Variants in GHRHR observed in about 807,000 individuals in gnomAD.
GHRHR encodes growth hormone-releasing hormone receptor.
A neutral mutation model predicts 58.3 loss-of-function variants in GHRHR; 40 were observed. The ratio of observed to expected loss-of-function variants is 0.69; its 90% CI spans 0.53 to 0.89. The LOEUF (loss-of-function observed/expected upper bound fraction) is 0.89. Among genes scored for constraint, GHRHR ranks in the 40% least tolerant of loss-of-function variants. GHRHR has a pLI of 0.00. For missense variants in GHRHR, 551 were observed against 541.3 expected, an observed-to-expected ratio of 1.02 and a Z score of -0.18; for synonymous variants, 249 against 216.6, an observed-to-expected ratio of 1.15 and a Z score of -1.31.
chr7:30,979,121 G>T lies in GHRHR; in HGVS notation c.1149G>T (p.Val383=). 6.2e-7 allele frequency: 1 copy of T among 1,613,868 alleles called. No homozygotes were observed. The highest frequency in any genetic ancestry group is 1.1e-5 in the South Asian group (1 of 91,064). ...AILYCFLNQE[V]RTEISRKWHG... is the part of the protein sequence containing the mutation. ...CGTCCTCTTCCTTGTCCCTGGAGGT[G>T]AGGACTGAGATCTCACGGAAGTGGC... Residue 383 remains valine, a splice_region_variant and synonymous_variant, in exon 13 of 13, where the codon GTG becomes GTT. Coordinates refer to ENST00000326139, the MANE Select transcript of GHRHR (RefSeq NM_000823.4).
At position 30,979,439 on chromosome 7, in the gene GHRHR, G is replaced by A. The variant is rs1167944594; in HGVS notation, c.*195G>A. On this transcript the variant is annotated 3_prime_UTR_variant, in exon 13 of 13. Transcript: ENST00000326139. ...TGTATGTCTACCTCTGACTTCTGTG[G>A]TCCCTCTGTGTCTGCTCTCATCCAT... 3.1e-5 allele frequency: 18 copies of A among 587,376 alleles called. No homozygotes were observed. Among genetic ancestry groups the A allele is most frequent in the Non-Finnish European group, 5.7e-5 (18 of 318,100 alleles). 36.4% of individuals were successfully genotyped at this position (587,376 alleles called of 1,614,324 possible).
intron 11 of GHRHR, 27 bp downstream of exon 11, chr7:30,976,585 T>C (rs777579003): frequency 1.2e-6 from 2 of 1,608,782 alleles, no homozygotes; most frequent in South Asian, 1.1e-5. Flanking sequence ...GCACTCTTTC[T>C]TTCCATTGAG....
chr7:30,974,514 A>G (rs1435996868), intron 8 of GHRHR, 25 bp downstream of exon 8: 2 of 1,552,696 alleles, frequency 1.3e-6, no homozygotes, highest in Non-Finnish European at 1.8e-6. Flanking sequence ...CCACCTTGTC[A>G]TACCCGCTGG....
Position 30,974,501 on chromosome 7 carries a change from C to T in GHRHR, c.812+12C>T, listed in dbSNP as rs151020002. On this transcript the variant is annotated intron_variant, in intron 8 of 12. Coordinates refer to ENST00000326139, the MANE Select transcript of GHRHR (RefSeq NM_000823.4). The stretch of plus-strand genomic sequence containing the variant: ...TTCGAGGACATCGCGTGAGTCGGAG[C>T]GGCCACCTTGTCATACCCGCTGGTC... 188 of 1,597,250 alleles carry T rather than the reference C, an allele frequency of 1.2e-4. 1 individual carries two copies. In the Middle Eastern group the frequency reaches 1.5e-3, roughly 13 times the overall value.
chr7:30,968,251 G>T (rs936781430), intron 1 of GHRHR, among the ~76,000 whole-genome samples: 1 of 152,118 alleles, frequency 6.6e-6, no homozygotes, highest in Non-Finnish European at 1.5e-5. Flanking sequence ...CATCTTTGGG[G>T]GCCATTATTC....
chr7:30,969,476 G>C (rs998744476), intron 3 of GHRHR: 2 of 592,994 alleles, frequency 3.4e-6, no homozygotes, highest in Non-Finnish European at 6.0e-6. Flanking sequence ...CTGCCTGACT[G>C]CCAAGACACC....
rs779187338 is a variant in GHRHR at position 30,971,210 on chromosome 7, C to T, written c.458C>T (p.Ala153Val). The change falls in exon 5 of 13, where the codon GCT becomes GTT. Residue 153 changes from alanine (A) to valine (V), a missense_variant. Ala to Val is a moderately conservative substitution (Grantham distance 64). Coordinates refer to ENST00000326139, the MANE Select transcript of GHRHR (RefSeq NM_000823.4). ...ALFVAITILVALRRLHCPRNY... is the reference protein window; with the variant it reads ...ALFVAITILVVLRRLHCPRNY... ...TTCGTGGCCATCACCATCCTGGTTG[C>T]TCTCAGGTTTGTCATCCTCATCACC... The T allele has an allele frequency of 2.1e-6, 3 of 1,438,886 alleles. No homozygotes were observed. Among genetic ancestry groups the T allele is most frequent in the Non-Finnish European group, 2.9e-6 (3 of 1,041,844 alleles). The allele number at this position is 1,438,886 out of a possible 1,614,324, so 89.1% of individuals were successfully genotyped here. A position where few individuals can be genotyped will look rare whatever the true frequency, so the allele number is the denominator to read the frequency against.
chr7:30,979,047 C>G, intron 12 of GHRHR, 72 bp from the exon 13 acceptor site: 1 of 1,443,584 alleles, frequency 6.9e-7, no homozygotes, highest in South Asian at 1.1e-5. Context: ...CTCCCTGCAC[C>G]TTAGTCTCAT....
chr7:30,976,423 C>A lies in GHRHR; in HGVS notation c.975-6C>A, dbSNP rs117572522. 2,569 of 1,612,976 alleles carry A rather than the reference C, an allele frequency of 1.6e-3. 3 individuals are homozygous for A. Among genetic ancestry groups the A allele is most frequent in the Non-Finnish European group, 2.1e-3 (2,440 of 1,179,308 alleles). On this transcript the variant is annotated splice_region_variant and splice_polypyrimidine_tract_variant and intron_variant, in intron 10 of 12. Transcript: ENST00000326139. ...CTTGGGAGCCTAGGATTTGTCTTTC[C>A]TGCAGGCGTCTCTCCAAGTCGACAC...
intron 1 of GHRHR, among the ~76,000 whole-genome samples, chr7:30,967,031 G>A (rs1028236289): frequency 6.6e-6 from 1 of 151,834 alleles, no homozygotes; most frequent in African/African-American, 2.4e-5. Context: ...GTGAAAGCCT[G>A]GGGGAACAGA....
At chr7:30,975,595 C>T (rs1385144299) in intron 9 of GHRHR, among the ~76,000 whole-genome samples, 182 bp from the exon 10 acceptor site, 1 of 151,976 alleles carries the variant, frequency 6.6e-6, no homozygotes, top group Non-Finnish European at 1.5e-5. Context: ...AATGTGGGAC[C>T]CCCGCCCCCC....
Position 30,979,520 on chromosome 7 carries a change from G to A in GHRHR, c.*276G>A, listed in dbSNP as rs1792652606. 2.3e-6 allele frequency: 1 copy of A among 426,498 alleles called. No homozygotes were observed. The highest frequency in any genetic ancestry group is 2.1e-5 in the South Asian group (1 of 48,058). The allele number at this position is 426,498 out of a possible 1,614,324, so 26.4% of individuals were successfully genotyped here. On this transcript the variant is annotated 3_prime_UTR_variant, in exon 13 of 13. Coordinates refer to ENST00000326139, the MANE Select transcript of GHRHR (RefSeq NM_000823.4). ...AAGGCTCAGAGGAGCCAATAAACCTGTAAATGAATAGACGCATGTTTGAGT... is the reference window on the plus strand; with the variant it reads ...AAGGCTCAGAGGAGCCAATAAACCTATAAATGAATAGACGCATGTTTGAGT...
chr7:30,965,149 T>G (rs1356060465), intron 1 of GHRHR, among the ~76,000 whole-genome samples: 1 of 152,174 alleles, frequency 6.6e-6, no homozygotes, highest in Non-Finnish European at 1.5e-5. Context: ...GGGCTGGGCA[T>G]AGGGGTGCAA....
chr7:30,968,705 G>C, intron 1 of GHRHR, 129 bp from the exon 2 acceptor site: 1 of 513,264 alleles, frequency 1.9e-6, no homozygotes, highest in Non-Finnish European at 3.8e-6. Flanking sequence ...ACTACTGTGA[G>C]CAGGTCTTTG....
intron 1 of GHRHR, among the ~76,000 whole-genome samples, chr7:30,966,930 C>A (rs1024329718): frequency 1.2e-4 from 19 of 152,232 alleles, no homozygotes; most frequent in Middle Eastern, 3.2e-3. Context: ...GCATGAGCCA[C>A]TGCGCCCGGC....
Position 30,974,996 on chromosome 7 carries a change from C to G in GHRHR, c.838C>G (p.Pro280Ala), listed in dbSNP as rs773436596. 1.2e-6 allele frequency: 2 copies of G among 1,613,004 alleles called. No individual in the cohort carries two copies. Among genetic ancestry groups the G allele is most frequent in the African/African-American group, 1.3e-5 (1 of 74,862 alleles). ...IACWDLDDTS[P>A]YWWIIKGPIV... is the part of the protein sequence containing the mutation. Reference sequence around the variant, plus strand: ...GTGCTGGGACCTGGACGACACCTCCCCCTACTGGTGGATCATCAAAGGGCC... The same window carrying G: ...GTGCTGGGACCTGGACGACACCTCCGCCTACTGGTGGATCATCAAAGGGCC... The change falls in exon 9 of 13, where the codon CCC (proline) becomes GCC (alanine). Residue 280 changes from proline to alanine, a missense_variant. Transcript: ENST00000326139.
In GHRHR at chr7:30,976,446, C is replaced by A. The variant is rs1176800589; in HGVS notation, c.992C>A (p.Thr331Lys). 1.9e-6 allele frequency: 3 copies of A among 1,613,564 alleles called. No individual in the cohort carries two copies. Among genetic ancestry groups the A allele is most frequent in the Admixed American group, 3.3e-5 (2 of 60,008 alleles). The change falls in exon 11 of 13, where the codon ACA (threonine) becomes AAA (lysine). Residue 331 changes from threonine (T) to lysine (K), a missense_variant. Transcript: ENST00000326139. ...QSQYWRLSKS[T>K]LFLIPLFGIH... is the part of the protein sequence containing the mutation. ...TCCTGCAGGCGTCTCTCCAAGTCGA[C>A]ACTTTTCCTGATCCCACTCTTTGGA...
intron 1 of GHRHR, among the ~76,000 whole-genome samples, chr7:30,967,635 G>T (rs530992828): frequency 1.1e-5 from 1 of 92,496 alleles, no homozygotes; most frequent in African/African-American, 6.5e-5. Context: ...CCATATATTT[G>T]TCTGTCTGTC....
At chr7:30,976,653 G>A (rs1399625842) in intron 11 of GHRHR, 95 bp downstream of exon 11, 1 of 1,055,708 alleles carries the variant, frequency 9.5e-7, no homozygotes, top group African/African-American at 1.6e-5. Context: ...GACAGGGTGA[G>A]GGCTATGTTT....
Sources: gnomAD v4.1 joint callset for allele counts (sites outside exome capture counted in the v4.1 genomes callset) on GRCh38, gnomAD v4.1.1 for gene constraint, MANE v1.5 for transcripts, NCBI Gene and HGNC (gene_info 2026-07-23, HGNC 2026-07-21) for gene names.